Variants in PRMT5 observed in about 807,000 individuals in gnomAD.
PRMT5 encodes protein arginine methyltransferase 5, also known as protein arginine N-methyltransferase 5.
A neutral mutation model predicts 84.0 loss-of-function variants in PRMT5; 15 were observed. That is an observed-to-expected ratio of 0.18 (90% CI 0.12 to 0.28). The LOEUF is 0.28. PRMT5 is among the 10% of genes least tolerant of loss of function. PRMT5 has a pLI of 1.00. For missense variants in PRMT5, 486 were observed against 808.0 expected, an observed-to-expected ratio of 0.60 and a Z score of 4.83; for synonymous variants, 276 against 292.4, an observed-to-expected ratio of 0.94 and a Z score of 0.57.
Position 22,929,339 on chromosome 14 carries a change from C to G in PRMT5, c.23G>C (p.Gly8Ala), listed in dbSNP as rs201479952. ...GCTGGACACGCGGCTCCCACCAGCA[C>G]CCCCGACCGCCATCGCCGCCATCTT... MAAMAVG[G>A]AGGSRVSSGR... Residue 8 changes from glycine (G) to alanine (A), a missense_variant, in exon 1 of 17, where the codon GGT becomes GCT. Physicochemically the swap from Gly to Ala is moderately conservative, Grantham distance 60 (BLOSUM62 0). Transcript: ENST00000324366. The G allele has an allele frequency of 6.2e-7, 1 of 1,610,060 alleles. No homozygotes were observed. The highest frequency in any genetic ancestry group is 1.3e-5 in the African/African-American group (1 of 74,984).
Position 22,926,575 on chromosome 14 carries a change from A to G in PRMT5, c.564-20T>C, listed in dbSNP as rs1156447450. 1.2e-6 allele frequency: 2 copies of G among 1,613,938 alleles called. No homozygotes were observed. Among genetic ancestry groups the G allele is most frequent in the East Asian group, 4.5e-5 (2 of 44,896 alleles). ...TGCCACCTGTTCAGTCAAATACAGA[A>G]AAGTACAGTAAACTAGATATGGCCG... On this transcript the variant is annotated intron_variant, in intron 5 of 16. Transcript: ENST00000324366.
In PRMT5 at chr14:22,924,193, A is replaced by T; in HGVS notation, c.1200-10T>A. 6.2e-7 allele frequency: 1 copy of T among 1,610,178 alleles called. No homozygotes were observed. The highest frequency in any genetic ancestry group is 8.5e-7 in the Non-Finnish European group (1 of 1,177,674). ...CTGCCAGTTCTCTAGCCTGAAACAG[A>T]GACAATAAGGTAAGGAGAGATGTTA... On this transcript the variant is annotated splice_polypyrimidine_tract_variant and intron_variant, in intron 11 of 16. Coordinates refer to ENST00000324366, the MANE Select transcript of PRMT5 (RefSeq NM_006109.5). This position sits in a 1 kb window ranked among gnomAD's most constrained non-coding sequence, Gnocchi z 6.5.
chr14:22,924,716 A>G lies in PRMT5; in HGVS notation c.940-7T>C. ...CCAGATTGTCCATCAGTGGCTGATG[A>G]ATGAGGAAAAGGACAAAGTTAGCCA... On this transcript the variant is annotated splice_polypyrimidine_tract_variant and splice_region_variant and intron_variant, in intron 8 of 16. Transcript: ENST00000324366. This position sits in a 1 kb window ranked among gnomAD's most constrained non-coding sequence, Gnocchi z 6.5. 1.2e-6 allele frequency: 2 copies of G among 1,613,402 alleles called. No homozygotes were observed. The highest frequency in any genetic ancestry group is 1.7e-6 in the Non-Finnish European group (2 of 1,179,486).
chr14:22,928,430 A>G lies in PRMT5; in HGVS notation c.229+67T>C. 7.4e-7 allele frequency: 1 copy of G among 1,360,316 alleles called. No homozygotes were observed. The highest frequency in any genetic ancestry group is 1.1e-6 in the Non-Finnish European group (1 of 951,114). 84.3% of individuals were successfully genotyped at this position (1,360,316 alleles called of 1,614,324 possible). A position where few individuals can be genotyped will look rare whatever the true frequency, so the allele number is the denominator to read the frequency against. ...TCCAAGTCAGAAAAGGAGGAGAATG[A>G]GGGCCCCGATAAAGCAGAAGTTGTT... On this transcript the variant is annotated intron_variant, in intron 2 of 16. Coordinates refer to ENST00000324366, the MANE Select transcript of PRMT5 (RefSeq NM_006109.5). This position sits in a 1 kb window ranked among gnomAD's most constrained non-coding sequence, Gnocchi z 4.8.
In PRMT5 at chr14:22,925,038, C is replaced by T. The variant is rs760905087; in HGVS notation, c.780G>A (p.Leu260=). The T allele has an allele frequency of 6.2e-7, 1 of 1,613,568 alleles. No homozygotes were observed. The highest frequency in any genetic ancestry group is 1.7e-5 in the Admixed American group (1 of 59,950). Residue 260 remains leucine, a splice_region_variant and synonymous_variant, in exon 8 of 17, where the codon TTG becomes TTA. Coordinates refer to ENST00000324366, the MANE Select transcript of PRMT5 (RefSeq NM_006109.5). ...TGCCTGTGATGATGAACTGCACCTC[C>T]AACTGTGAGAAAAGTCAGACCATCA... The part of the protein sequence containing the change: ...HQRLIFRLLK[L]EVQFIITGTN...
intron 4 of PRMT5, 94 bp downstream of exon 4, chr14:22,927,432 A>G: frequency 6.5e-7 from 1 of 1,537,976 alleles, no homozygotes. Flanking sequence ...AATTCTGCCA[A>G]ACACACCCTT....
At position 22,928,075 on chromosome 14, in the gene PRMT5, C is replaced by T. The variant is rs771603214; in HGVS notation, c.315+51G>A. ...ATTGGGGATGGGAGGGGACCACTCT[C>T]CCCACCCAGCTTGGTTAGAAAAATC... On this transcript the variant is annotated intron_variant, in intron 3 of 16. Transcript: ENST00000324366. The surrounding 1 kb of genome is among the most constrained non-coding windows in gnomAD (Gnocchi z 4.8). The T allele has an allele frequency of 6.6e-7, 1 of 1,517,986 alleles. No individual in the cohort carries two copies. Among genetic ancestry groups the T allele is most frequent in the South Asian group, 1.2e-5 (1 of 85,816 alleles). The allele number at this position is 1,517,986 out of a possible 1,614,324, so 94.0% of individuals were successfully genotyped here.
At position 22,923,843 on chromosome 14, in the gene PRMT5, G is replaced by T. The variant is rs72681976; in HGVS notation, c.1375+165C>A. 0.038 allele frequency among the ~76,000 whole-genome samples: 5,848 copies of T among 152,220 alleles called. 191 individuals carry two copies. The highest frequency in any genetic ancestry group is 0.063 in the Non-Finnish European group (4,309 of 68,010). Reference sequence around the variant, plus strand: ...ACAAATATGAACACTAAGGTTTGGAGAGATGACTTCATTTGCTAGGGGCAC... The same window carrying T: ...ACAAATATGAACACTAAGGTTTGGATAGATGACTTCATTTGCTAGGGGCAC... On this transcript the variant is annotated intron_variant, in intron 12 of 16. Coordinates refer to ENST00000324366, the MANE Select transcript of PRMT5 (RefSeq NM_006109.5). This position sits in a 1 kb window ranked among gnomAD's most constrained non-coding sequence, Gnocchi z 5.2.
chr14:22,921,438 G>C (rs2044294146), intron 16 of PRMT5, among the ~76,000 whole-genome samples: 1 of 152,134 alleles, frequency 6.6e-6, no homozygotes, highest in African/African-American at 2.4e-5. Flanking sequence ...ACAAAAAGAA[G>C]GTCCATAAGG....
Position 22,928,279 on chromosome 14 carries a change from G to C in PRMT5, c.230-68C>G, listed in dbSNP as rs747745775. The C allele has an allele frequency of 8.4e-6, 13 of 1,540,222 alleles. No individual in the cohort carries two copies. The highest frequency in any genetic ancestry group is 1.2e-5 in the Non-Finnish European group (13 of 1,118,190). Reference sequence around the variant, plus strand: ...CAGCACTTTACTTGTTCAATTTTTAGTTTTGGGAATCAAGAGTAGAAATGA... The same window carrying C: ...CAGCACTTTACTTGTTCAATTTTTACTTTTGGGAATCAAGAGTAGAAATGA... On this transcript the variant is annotated intron_variant, in intron 2 of 16. Transcript: ENST00000324366. The surrounding 1 kb of genome is among the most constrained non-coding windows in gnomAD (Gnocchi z 4.8).
intron 1 of PRMT5, 115 bp downstream of exon 1, chr14:22,929,137 T>G (rs2044491917): frequency 6.2e-7 from 1 of 1,613,128 alleles, no homozygotes; most frequent in Non-Finnish European, 8.5e-7. Flanking sequence ...TAATAGTCTC[T>G]CCCCTCCTCA....
Position 22,923,924 on chromosome 14 carries a change from A to T in PRMT5, c.1375+84T>A, listed in dbSNP as rs1410873056. On this transcript the variant is annotated intron_variant, in intron 12 of 16. Transcript: ENST00000324366. The surrounding 1 kb of genome is among the most constrained non-coding windows in gnomAD (Gnocchi z 5.2). ...ATATGATGTGACCCAGGTCCAACCC[A>T]CTTTCCCCTAAACCCTGTACCCTCC... The T allele has an allele frequency of 6.8e-7, 1 of 1,463,186 alleles. No individual in the cohort carries two copies. The highest frequency in any genetic ancestry group is 9.1e-7 in the Non-Finnish European group (1 of 1,096,436). The allele number at this position is 1,463,186 out of a possible 1,614,324, so 90.6% of individuals were successfully genotyped here.
chr14:22,927,157 C>G (rs969283863), intron 4 of PRMT5, among the ~76,000 whole-genome samples: 8 of 150,342 alleles, frequency 5.3e-5, no homozygotes, highest in African/African-American at 1.7e-4. Flanking sequence ...GCAATCTCAG[C>G]TAACTGCAAC....
chr14:22,927,496 T>C (rs1255382830), intron 4 of PRMT5, 30 bp downstream of exon 4: 1 of 1,613,066 alleles, frequency 6.2e-7, no homozygotes, highest in East Asian at 2.2e-5. Flanking sequence ...TACTATGATA[T>C]GCAGCAGGAA....
chr14:22,925,902 C>G (rs1594517707), intron 7 of PRMT5, among the ~76,000 whole-genome samples: 1 of 152,158 alleles, frequency 6.6e-6, no homozygotes, highest in East Asian at 1.9e-4. Context: ...CTTGCTGTAA[C>G]TTCCTAAATG....
Position 22,924,318 on chromosome 14 carries a change from CG to C in PRMT5, c.1150del (p.Arg384GlyfsTer3). On this transcript the variant is annotated frameshift_variant, in exon 11 of 17. Transcript: ENST00000324366. LOFTEE classifies it high-confidence loss of function. The surrounding 1 kb of genome is among the most constrained non-coding windows in gnomAD (Gnocchi z 6.5). ...ASLRAAKQAD[R>X]RIKLYAVEKN... ...CTCCACAGCATACAGCTTTATCCGC[CG>C]GTCGGCCTGCTTGGCTGCCCGCAGG... 1 of 1,614,156 alleles carries C rather than the reference CG, an allele frequency of 6.2e-7. No homozygotes were observed. The highest frequency in any genetic ancestry group is 8.5e-7 in the Non-Finnish European group (1 of 1,180,040).
chr14:22,928,644 T>A lies in PRMT5; in HGVS notation c.111-29A>T. 3.9e-6 allele frequency: 6 copies of A among 1,532,004 alleles called. No individual in the cohort carries two copies. Among genetic ancestry groups the A allele is most frequent in the Non-Finnish European group, 5.4e-6 (6 of 1,105,246 alleles). The allele number at this position is 1,532,004 out of a possible 1,614,324, so 94.9% of individuals were successfully genotyped here. A position where few individuals can be genotyped will look rare whatever the true frequency, so the allele number is the denominator to read the frequency against. On this transcript the variant is annotated intron_variant, in intron 1 of 16. Coordinates refer to ENST00000324366, the MANE Select transcript of PRMT5 (RefSeq NM_006109.5). The surrounding 1 kb of genome is among the most constrained non-coding windows in gnomAD (Gnocchi z 4.8). Reference sequence around the variant, plus strand: ...CAACCGCGACAGACCCAGAATCATGTAAAGACAGCAGCAGTGCCAGAGAGC... The same window carrying A: ...CAACCGCGACAGACCCAGAATCATGAAAAGACAGCAGCAGTGCCAGAGAGC...
At chr14:22,925,917 C>T (rs943451099) in intron 7 of PRMT5, among the ~76,000 whole-genome samples, 3 of 152,104 alleles carry the variant, frequency 2.0e-5, no homozygotes, top group East Asian at 1.9e-4. Flanking sequence ...TAAATGAAAC[C>T]TTCTGCAAAG....
In PRMT5 at chr14:22,922,497, G is replaced by A; in HGVS notation, c.1642C>T (p.Leu548=). 6.2e-7 allele frequency: 1 copy of A among 1,614,162 alleles called. No individual in the cohort carries two copies. The highest frequency in any genetic ancestry group is 8.5e-7 in the Non-Finnish European group (1 of 1,179,990). Residue 548 remains leucine (L), a synonymous_variant, in exon 15 of 17, where the codon CTA becomes TTA. Transcript: ENST00000324366. The stretch of plus-strand genomic sequence containing the variant: ...TCAAAGTAGCCGGCAAAGCCATGTA[G>A]TACTGTGTTCACCTCCACAGGAAAT... ...LEFPVEVNTV[L]HGFAGYFETV... is the part of the protein sequence containing the mutation.
Sources: allele counts gnomAD v4.1 joint callset (sites outside exome capture counted in the v4.1 genomes callset), GRCh38; gene constraint gnomAD v4.1.1; non-coding constraint Gnocchi (gnomAD v3.1); transcripts MANE v1.5; gene names NCBI Gene and HGNC (gene_info 2026-07-23, HGNC 2026-07-21).